Variants in NELL1 observed in about 807,000 individuals in gnomAD.
The protein encoded by NELL1 is protein kinase C-binding protein NELL1.
Under a neutral mutation model 107.4 loss-of-function variants are expected in NELL1, and 76 were observed. That is an observed-to-expected ratio of 0.71 (90% confidence interval 0.59 to 0.86). The LOEUF (loss-of-function observed/expected upper bound fraction) is 0.86. Ranked by LOEUF, NELL1 falls within the 40% of genes least tolerant of loss-of-function variation. NELL1 has a pLI of 0.00. For synonymous variants in NELL1, 353 were observed against 341.2 expected (o/e 1.03, Z -0.38); for missense variants, 1,024 against 1,005.5 (o/e 1.02, Z -0.25).
At chr11:20,775,693 A>T (rs1297452316) in intron 2 of NELL1, among the ~76,000 whole-genome samples, 1 of 152,186 alleles carries the variant, frequency 6.6e-6, no homozygotes, top group East Asian at 1.9e-4. Context: ...TTTCTTAGCA[A>T]CAGGGAATGC....
intron 14 of NELL1, among the ~76,000 whole-genome samples, chr11:21,234,309 T>C (rs1028027426): frequency 6.6e-6 from 1 of 152,180 alleles, no homozygotes; most frequent in Non-Finnish European, 1.5e-5. Flanking sequence ...TCGTGGAGTT[T>C]TGTAGTTGCT....
intron 3 of NELL1, among the ~76,000 whole-genome samples, chr11:20,834,048 G>T (rs1045240803): frequency 6.6e-6 from 1 of 152,130 alleles, no homozygotes; most frequent in African/African-American, 2.4e-5. Flanking sequence ...TAATATGATT[G>T]GATTCTTGTT....
At chr11:20,720,679 A>G (rs763357788) in intron 2 of NELL1, among the ~76,000 whole-genome samples, 1 of 152,064 alleles carries the variant, frequency 6.6e-6, no homozygotes, top group Non-Finnish European at 1.5e-5. Flanking sequence ...AGGGTCTGTT[A>G]TGGGGCTCTC....
At chr11:21,317,345 T>C (rs764771375) in intron 14 of NELL1, among the ~76,000 whole-genome samples, 1 of 32,376 alleles carries the variant, frequency 3.1e-5, no homozygotes, top group African/African-American at 1.3e-4. Context: ...TCCTGGCACA[T>C]AAAGCTTCCT....
Position 20,669,632 on chromosome 11 carries a change from G to T in NELL1, c.-92G>T. ...TCCCCCGCCGCCCGCTAGCAAGTTT[G>T]GCGGCTCCAAGCCAGGCGCGCCTCA... is the stretch of plus-strand genomic sequence containing the variant. On this transcript the variant is annotated 5_prime_UTR_variant, in exon 1 of 20. Coordinates refer to ENST00000357134, the MANE Select transcript of NELL1 (RefSeq NM_006157.5). This position sits in a 1 kb window ranked among gnomAD's most constrained non-coding sequence, Gnocchi z 4.4. 1.8e-6 allele frequency: 2 copies of T among 1,123,990 alleles called. No individual in the cohort carries two copies. The highest frequency in any genetic ancestry group is 2.6e-6 in the Non-Finnish European group (2 of 754,988). 69.6% of individuals were successfully genotyped at this position (1,123,990 alleles called of 1,614,324 possible). A position where few individuals can be genotyped will look rare whatever the true frequency, so the allele number is the denominator to read the frequency against.
rs756778195 is a variant in NELL1 at position 20,786,452 on chromosome 11, A to G, written c.335+2622A>G. On this transcript the variant is annotated intron_variant, in intron 3 of 19. Coordinates refer to ENST00000357134, the MANE Select transcript of NELL1 (RefSeq NM_006157.5). ...TGAGGCATAGAGGTCTCTTACCACT[A>G]GGGAATATATCTGAGTCACACAGCA... Among the ~76,000 whole-genome samples the G allele has an allele frequency of 3.3e-5, 5 of 152,210 alleles. No individual in the cohort carries two copies. The East Asian group carries it at 9.7e-4, about 29-fold the overall frequency.
At chr11:21,109,900 T>G (rs1279933192) in intron 12 of NELL1, among the ~76,000 whole-genome samples, 3 of 152,266 alleles carry the variant, frequency 2.0e-5, no homozygotes, top group Admixed American at 2.0e-4. Flanking sequence ...TCTTCTGGGT[T>G]GTGTGTTTCC....
At chr11:21,521,176 C>A (rs116976418) in intron 15 of NELL1, among the ~76,000 whole-genome samples, 1 of 152,220 alleles carries the variant, frequency 6.6e-6, no homozygotes, top group Non-Finnish European at 1.5e-5. Flanking sequence ...CTGGTTCCCA[C>A]AGATTGTAGC....
chr11:20,871,267 C>T (rs1262047554), intron 4 of NELL1, among the ~76,000 whole-genome samples: 1 of 152,170 alleles, frequency 6.6e-6, no homozygotes, highest in African/African-American at 2.4e-5. Context: ...AGGTCAGTCT[C>T]CTGTGGCCCA....
chr11:21,062,134 A>T (rs910389485), intron 12 of NELL1, among the ~76,000 whole-genome samples: 4 of 152,236 alleles, frequency 2.6e-5, no homozygotes, highest in Admixed American at 1.3e-4. Context: ...TGGTTAGTCG[A>T]ATTTGAGATG....
intron 13 of NELL1, among the ~76,000 whole-genome samples, chr11:21,144,936 A>G (rs1445069597): frequency 6.6e-6 from 1 of 152,168 alleles, no homozygotes; most frequent in East Asian, 1.9e-4. Context: ...GGGAATCATC[A>G]CATATTGGCA....
intron 4 of NELL1, among the ~76,000 whole-genome samples, chr11:20,867,466 A>T (rs1849116850): frequency 6.6e-6 from 1 of 152,208 alleles, no homozygotes; most frequent in African/African-American, 2.4e-5. Context: ...ACGAAAATTC[A>T]GTGAATCCTG....
chr11:21,299,894 G>C (rs1450632874), intron 14 of NELL1, among the ~76,000 whole-genome samples: 1 of 151,660 alleles, frequency 6.6e-6, no homozygotes. Flanking sequence ...GCCATCATTT[G>C]CTCCCATGCC....
chr11:20,859,117 G>C (rs531815965), intron 4 of NELL1, among the ~76,000 whole-genome samples: 1 of 152,320 alleles, frequency 6.6e-6, no homozygotes, highest in African/African-American at 2.4e-5. Flanking sequence ...ACACTGAAGT[G>C]ACCAAAGTCT....
chr11:20,898,109 G>T (rs953819645), intron 5 of NELL1, among the ~76,000 whole-genome samples: 1 of 152,022 alleles, frequency 6.6e-6, no homozygotes, highest in South Asian at 2.1e-4. Flanking sequence ...TATTATAAAG[G>T]CACATGCACA....
intron 13 of NELL1, among the ~76,000 whole-genome samples, chr11:21,211,695 G>C (rs1197961234): frequency 6.6e-6 from 1 of 152,152 alleles, no homozygotes; most frequent in Non-Finnish European, 1.5e-5. Context: ...GTGCAAATGA[G>C]TTTGAGAGAT....
chr11:20,816,878 T>C (rs1857634700), intron 3 of NELL1, among the ~76,000 whole-genome samples: 1 of 152,344 alleles, frequency 6.6e-6, no homozygotes, highest in South Asian at 2.1e-4. Flanking sequence ...CAAAAGCCTT[T>C]GCTACGTCTA....
At chr11:21,522,834 C>CTTTTTTTTTTTT (rs66707466) in intron 15 of NELL1, among the ~76,000 whole-genome samples, 8 of 68,432 alleles carry the variant, frequency 1.2e-4, no homozygotes, top group South Asian at 6.2e-4. Flanking sequence ...TTTTTCTTTT[C>CTTTTTTTTTTTT]TTTTTTTTTT....
At chr11:21,024,058 A>T (rs947381688) in intron 12 of NELL1, among the ~76,000 whole-genome samples, 1 of 152,096 alleles carries the variant, frequency 6.6e-6, no homozygotes, top group African/African-American at 2.4e-5. Flanking sequence ...AAAGATAGCG[A>T]TTTACTTCTC....
Sources: gnomAD v4.1 joint callset for allele counts (sites outside exome capture counted in the v4.1 genomes callset) on GRCh38, gnomAD v4.1.1 for gene constraint, Gnocchi (gnomAD v3.1) non-coding constraint, MANE v1.5 for transcripts, NCBI Gene and HGNC (gene_info 2026-07-23, HGNC 2026-07-21) for gene names.